PHACTR1: variants seen among roughly 807,000 people sequenced by gnomAD.
The protein encoded by PHACTR1 is RPEL repeat containing 1.
In PHACTR1, 16 loss-of-function variants were observed where a neutral mutation model predicts 69.2. The observed-to-expected ratio is 0.23, with a 90% CI of 0.16 to 0.35. The LOEUF (loss-of-function observed/expected upper bound fraction) is 0.35, where lower values mean the gene tolerates loss of function less well. Ranked by LOEUF, PHACTR1 falls within the 10% of genes least tolerant of loss-of-function variation. The probability of loss-of-function intolerance (pLI) is 1.00; values close to 1 mark genes in which losing one functional copy is unlikely to be tolerated. For missense variants in PHACTR1, 510 were observed against 734.7 expected (o/e 0.69, Z 3.54); for synonymous variants, 312 against 284.5 (o/e 1.10, Z -0.97).
chr6:12,787,689 C>T (rs145556422), intron 4 of PHACTR1, among the ~76,000 whole-genome samples: 13 of 152,268 alleles, frequency 8.5e-5, no homozygotes, highest in East Asian at 1.9e-4. Context: ...AACAGGTTCC[C>T]GGGACCTTTC....
chr6:13,182,777 A>G, intron 7 of PHACTR1, 91 bp downstream of exon 7: 1 of 1,308,476 alleles, frequency 7.6e-7, no homozygotes, highest in Non-Finnish European at 1.0e-6. Flanking sequence ...TTGGAATTCT[A>G]TTTTGGACTA....
At chr6:12,798,582 G>C (rs974331112) in intron 4 of PHACTR1, among the ~76,000 whole-genome samples, 1 of 152,168 alleles carries the variant, frequency 6.6e-6, no homozygotes, top group African/African-American at 2.4e-5. Flanking sequence ...GTCAGTGCCC[G>C]GGTGATGCCA....
In PHACTR1 at chr6:13,160,867, G is replaced by A. The variant is rs79308127; in HGVS notation, c.496+583G>A. 2.3e-3 allele frequency among the ~76,000 whole-genome samples: 355 copies of A among 152,302 alleles called. 11 individuals carry two copies. The East Asian group carries it at 0.057, about 25-fold the overall frequency. On this transcript the variant is annotated intron_variant, in intron 6 of 14. Coordinates refer to ENST00000332995, the MANE Select transcript of PHACTR1 (RefSeq NM_030948.6). The stretch of plus-strand genomic sequence containing the variant: ...ACAGATATTTGCTGGTGAATACCAC[G>A]TGTCCTTTGCTTATTGAATTATTGC...
At chr6:13,240,108 T>C (rs1373110726) in intron 10 of PHACTR1, among the ~76,000 whole-genome samples, 1 of 152,092 alleles carries the variant, frequency 6.6e-6, no homozygotes, top group Non-Finnish European at 1.5e-5. Flanking sequence ...GTTTTATATT[T>C]CATAGCTTTT....
intron 10 of PHACTR1, among the ~76,000 whole-genome samples, chr6:13,248,865 T>C (rs1773954515): frequency 6.6e-6 from 1 of 152,146 alleles, no homozygotes; most frequent in African/African-American, 2.4e-5. Flanking sequence ...GGAGAGAAAG[T>C]TGGCATAAAA....
intron 5 of PHACTR1, among the ~76,000 whole-genome samples, chr6:13,144,977 T>C (rs1823108102): frequency 6.6e-6 from 1 of 152,172 alleles, no homozygotes; most frequent in Admixed American, 6.5e-5. Flanking sequence ...AATTCAAACA[T>C]ATATAAACAT....
intron 9 of PHACTR1, 23 bp from the exon 10 acceptor site, chr6:13,230,014 T>C (rs1271059778): frequency 6.3e-7 from 1 of 1,587,336 alleles, no homozygotes; most frequent in East Asian, 2.3e-5. Context: ...AAGCCTTAAT[T>C]GACTCATTTC....
intron 4 of PHACTR1, chr6:12,933,563 C>G: frequency 6.3e-7 from 1 of 1,584,424 alleles, no homozygotes; most frequent in Non-Finnish European, 8.6e-7. Flanking sequence ...CAGGGTGATT[C>G]TTCTTGTTAT....
chr6:12,935,750 C>G (rs1318550564), intron 4 of PHACTR1, among the ~76,000 whole-genome samples: 2 of 151,936 alleles, frequency 1.3e-5, no homozygotes, highest in African/African-American at 4.8e-5. Flanking sequence ...AACCTAGGGC[C>G]CTTTCTTTCT....
At chr6:13,067,774 T>A (rs1308006153) in intron 5 of PHACTR1, among the ~76,000 whole-genome samples, 2 of 152,182 alleles carry the variant, frequency 1.3e-5, no homozygotes, top group African/African-American at 2.4e-5. Context: ...CAGACAGTAA[T>A]CACACAGGCC....
intron 5 of PHACTR1, among the ~76,000 whole-genome samples, chr6:13,071,462 A>G (rs764311336): frequency 6.6e-6 from 1 of 152,068 alleles, no homozygotes; most frequent in Non-Finnish European, 1.5e-5. Flanking sequence ...AAGAACCCAC[A>G]TTGCGTGGTA....
At chr6:13,051,880 G>A (rs559078848) in intron 4 of PHACTR1, among the ~76,000 whole-genome samples, 3 of 152,208 alleles carry the variant, frequency 2.0e-5, no homozygotes, top group Admixed American at 2.0e-4. Context: ...AGATTTAAGT[G>A]GCCACTTAAT....
chr6:13,054,099 C>T (rs542431433), intron 5 of PHACTR1, among the ~76,000 whole-genome samples: 1 of 152,312 alleles, frequency 6.6e-6, no homozygotes, highest in African/African-American at 2.4e-5. Context: ...GGGTTAAGAG[C>T]ACAGATCCTG....
intron 3 of PHACTR1, among the ~76,000 whole-genome samples, chr6:12,748,163 A>T (rs1766050232): frequency 6.6e-6 from 1 of 152,214 alleles, no homozygotes; most frequent in Non-Finnish European, 1.5e-5. Flanking sequence ...ATTAAACAGA[A>T]TGGGAAGGAA....
chr6:13,243,501 G>A (rs768571694), intron 10 of PHACTR1, among the ~76,000 whole-genome samples: 1 of 146,478 alleles, frequency 6.8e-6, no homozygotes, highest in Non-Finnish European at 1.6e-5. Context: ...ATCTCATCTA[G>A]GCCTTTCAGA....
chr6:12,926,400 T>A (rs1008940304), intron 4 of PHACTR1, among the ~76,000 whole-genome samples: 1 of 152,222 alleles, frequency 6.6e-6, no homozygotes, highest in African/African-American at 2.4e-5. Context: ...TGGCTTCAGT[T>A]CTACCCTGTT....
intron 4 of PHACTR1, among the ~76,000 whole-genome samples, chr6:12,967,730 A>G (rs962969765): frequency 1.3e-5 from 2 of 152,236 alleles, no homozygotes; most frequent in Non-Finnish European, 2.9e-5. Flanking sequence ...TTGATTCCAC[A>G]AACACTTGCA....
In PHACTR1 at chr6:13,287,148, T is replaced by C. The variant is rs1781852802; in HGVS notation, c.*70T>C. 37 of 1,383,114 alleles carry C rather than the reference T, an allele frequency of 2.7e-5. No individual in the cohort carries two copies. In the South Asian group the frequency reaches 3.9e-4, roughly 15 times the overall value. 85.7% of individuals were successfully genotyped at this position (1,383,114 alleles called of 1,614,324 possible). On this transcript the variant is annotated 3_prime_UTR_variant, in exon 15 of 15. Transcript: ENST00000332995. ...TTTATAAGAACCATAAGTGCTGGTA[T>C]TTATTCACTTCCCCATTACGATGTA...
chr6:13,250,152 T>C (rs1774175614), intron 10 of PHACTR1, among the ~76,000 whole-genome samples: 1 of 152,246 alleles, frequency 6.6e-6, no homozygotes, highest in Non-Finnish European at 1.5e-5. Context: ...AAGTATTTAC[T>C]ATCTGGCCCT....
Sources: allele counts gnomAD v4.1 joint callset (sites outside exome capture counted in the v4.1 genomes callset), GRCh38; gene constraint gnomAD v4.1.1; transcripts MANE v1.5; gene names NCBI Gene and HGNC (gene_info 2026-07-23, HGNC 2026-07-21).